Variants in GGTA1 observed in about 807,000 individuals in gnomAD.
GGTA1 encodes the protein glycoprotein alpha-galactosyltransferase 1 (inactive).
GGTA1 carries 5 observed loss-of-function variants against 2.6 expected under a neutral mutation model. The observed-to-expected ratio is 1.92, with a 90% CI of 1.00 to 4.04. GGTA1 has a LOEUF of 4.04. Ranked by LOEUF, GGTA1 falls within the 30% of genes most tolerant of loss-of-function variation. The pLI, the probability that GGTA1 is intolerant of heterozygous loss-of-function variation, is 0.00. For missense variants in GGTA1, 50 were observed against 16.7 expected, an observed-to-expected ratio of 2.99 and a Z score of -3.47; for synonymous variants, 17 against 5.0, an observed-to-expected ratio of 3.38 and a Z score of -3.19.
At chr9:121,494,825 A>C (rs1828953351) in intron 1 of GGTA1, 1 of 152,668 alleles carries the variant, frequency 6.6e-6, no homozygotes, top group Non-Finnish European at 1.5e-5. Flanking sequence ...CATCTTTTAC[A>C]AATAAAGGAA....
intron 1 of GGTA1, among the ~76,000 whole-genome samples, chr9:121,484,974 G>T (rs1164170033): frequency 6.6e-6 from 1 of 152,210 alleles, no homozygotes; most frequent in Non-Finnish European, 1.5e-5. Flanking sequence ...GCAAGGAACA[G>T]CCAGTGTTTC....
chr9:121,467,324 A>C (rs2065012230), intron 2 of GGTA1, among the ~76,000 whole-genome samples: 1 of 152,220 alleles, frequency 6.6e-6, no homozygotes, highest in Admixed American at 6.5e-5. Flanking sequence ...TTAAACACAC[A>C]CACACACCCA....
At chr9:121,483,754 A>C (rs1828701096) in intron 1 of GGTA1, among the ~76,000 whole-genome samples, 1 of 152,198 alleles carries the variant, frequency 6.6e-6, no homozygotes, top group Non-Finnish European at 1.5e-5. Context: ...AAATGTAAAG[A>C]GCCCTGGCTT....
At chr9:121,483,156 C>T (rs1449282051) in intron 1 of GGTA1, among the ~76,000 whole-genome samples, 1 of 152,186 alleles carries the variant, frequency 6.6e-6, no homozygotes, top group Non-Finnish European at 1.5e-5. Flanking sequence ...CTCAATGGAT[C>T]ATCACAATCA....
chr9:121,484,674 G>A (rs920397618), intron 1 of GGTA1, among the ~76,000 whole-genome samples: 2 of 152,218 alleles, frequency 1.3e-5, no homozygotes. Context: ...GACACTGACA[G>A]TCTGAAATAA....
At position 121,476,378 on chromosome 9, in the gene GGTA1, C is replaced by A. The variant is rs1323321739; in HGVS notation, c.-9-8447G>T. On this transcript the variant is annotated intron_variant, in intron 1 of 5. Coordinates refer to ENST00000481799, the MANE Select transcript of GGTA1 (RefSeq NM_001382585.1). The surrounding 1 kb of genome is among the most constrained non-coding windows in gnomAD (Gnocchi z 4.6). Reference sequence around the variant, plus strand: ...TCATAGTCCTGCAGGTCAGCCCCAGCACCAACACAGTGCCAGCTTTCTAAA... The same window carrying A: ...TCATAGTCCTGCAGGTCAGCCCCAGAACCAACACAGTGCCAGCTTTCTAAA... Among the ~76,000 whole-genome samples, 1 of 152,130 alleles carries A rather than the reference C, an allele frequency of 6.6e-6. No individual in the cohort carries two copies. The highest frequency in any genetic ancestry group is 1.9e-4 in the East Asian group (1 of 5,192).
chr9:121,456,199 A>C (rs997287168), intron 5 of GGTA1, among the ~76,000 whole-genome samples: 11 of 152,192 alleles, frequency 7.2e-5, no homozygotes, highest in Non-Finnish European at 1.0e-4. Context: ...ACTAAAAAGA[A>C]AGGAAAAAGT....
intron 2 of GGTA1, among the ~76,000 whole-genome samples, chr9:121,464,999 AACAAACAAAAAAAAAAAAAC>A (rs2064993425): frequency 1.3e-5 from 2 of 148,678 alleles, no homozygotes; most frequent in African/African-American, 4.9e-5. Flanking sequence ...AAAAAAACAA[AACAAACAAAAAAAAAAAAAC>A]AAAAAACAAC....
At chr9:121,478,473 C>A (rs1828562608) in intron 1 of GGTA1, among the ~76,000 whole-genome samples, 1 of 152,180 alleles carries the variant, frequency 6.6e-6, no homozygotes, top group Non-Finnish European at 1.5e-5. Flanking sequence ...AAAATGCCTG[C>A]CTCCCAGGCC....
Position 121,472,820 on chromosome 9 carries a change from TCA to T in GGTA1, c.-9-4891_-9-4890del, listed in dbSNP as rs560730803. Among the ~76,000 whole-genome samples the T allele has an allele frequency of 2.4e-4, 37 of 152,308 alleles. No homozygotes were observed. In the South Asian group the frequency reaches 7.0e-3, roughly 29 times the overall value. On this transcript the variant is annotated intron_variant, in intron 1 of 5. Transcript: ENST00000481799. ...GTTAGGCAGAGAAAGGTGAAAACTC[TCA>T]CGGTTGGAAACATTGGCGCTTACAT...
At chr9:121,452,960 G>A (rs2064885944), downstream of GGTA1, among the ~76,000 whole-genome samples, 1 of 152,154 alleles carries the variant, frequency 6.6e-6, no homozygotes, top group Admixed American at 6.5e-5. Flanking sequence ...GCTACTAGTA[G>A]CACCTTTGGG....
intron 1 of GGTA1, among the ~76,000 whole-genome samples, chr9:121,498,992 G>A (rs1338875836): frequency 6.6e-6 from 1 of 151,716 alleles, no homozygotes; most frequent in East Asian, 1.9e-4. Flanking sequence ...TTTTCGAGTA[G>A]GAGCAAGGTT....
At chr9:121,462,214 A>C (rs1174292124) in intron 3 of GGTA1, among the ~76,000 whole-genome samples, 1 of 152,140 alleles carries the variant, frequency 6.6e-6, no homozygotes, top group East Asian at 1.9e-4. Flanking sequence ...AATCCCAGCT[A>C]CTCAAGAGGC....
intron 1 of GGTA1, among the ~76,000 whole-genome samples, chr9:121,496,268 G>A (rs1003848876): frequency 6.6e-6 from 1 of 152,100 alleles, no homozygotes; most frequent in East Asian, 1.9e-4. Context: ...ACATATTAGT[G>A]CCCAGAAATC....
chr9:121,472,406 A>G (rs986435131), intron 1 of GGTA1, among the ~76,000 whole-genome samples: 1 of 152,172 alleles, frequency 6.6e-6, no homozygotes, highest in Non-Finnish European at 1.5e-5. Context: ...TAAATGCAGA[A>G]GAAAAAAAAA....
At chr9:121,455,960 T>C (rs2064908168) in intron 5 of GGTA1, 119 bp from the exon 6 acceptor site, 1 of 396,084 alleles carries the variant, frequency 2.5e-6, no homozygotes, top group African/African-American at 2.1e-5. Flanking sequence ...TGACCCTGAC[T>C]ACAAAGCCAC....
intron 2 of GGTA1, among the ~76,000 whole-genome samples, chr9:121,465,734 A>G (rs1378956132): frequency 2.6e-5 from 4 of 152,088 alleles, no homozygotes; most frequent in African/African-American, 9.7e-5. Flanking sequence ...TGTTGCTTAA[A>G]CCACCTTGTG....
intron 2 of GGTA1, among the ~76,000 whole-genome samples, chr9:121,464,463 G>A (rs1261248829): frequency 1.3e-5 from 2 of 151,756 alleles, no homozygotes; most frequent in Non-Finnish European, 2.9e-5. Flanking sequence ...AGTAGCTGGG[G>A]CTACAGGCAC....
chr9:121,463,653 T>C (rs2064979019), intron 2 of GGTA1, among the ~76,000 whole-genome samples: 1 of 152,136 alleles, frequency 6.6e-6, no homozygotes, highest in Admixed American at 6.5e-5. Context: ...CCTCCCAAAG[T>C]GCTGGGATTA....
Sources: allele counts gnomAD v4.1 joint callset (sites outside exome capture counted in the v4.1 genomes callset), GRCh38; gene constraint gnomAD v4.1.1; non-coding constraint Gnocchi (gnomAD v3.1); transcripts MANE v1.5; gene names NCBI Gene and HGNC (gene_info 2026-07-23, HGNC 2026-07-21).